Variants in LRP1B observed in about 807,000 individuals in gnomAD.
LRP1B encodes low-density lipoprotein receptor-related protein 1B.
LRP1B carries 217 observed loss-of-function variants against 556.6 expected under a neutral mutation model. The observed-to-expected ratio is 0.39, with a 90% CI of 0.35 to 0.44. The LOEUF (loss-of-function observed/expected upper bound fraction) is 0.44, where lower values mean the gene tolerates loss of function less well. Ranked by LOEUF, LRP1B falls within the 20% of genes least tolerant of loss-of-function variation. The pLI is 1.00. For synonymous variants in LRP1B, 2,047 were observed against 1,865.8 expected (o/e 1.10, Z -2.50); for missense variants, 5,053 against 5,620.8 (o/e 0.90, Z 3.23).
intron 3 of LRP1B, among the ~76,000 whole-genome samples, chr2:141,306,123 CCTACTCTTCAATTATTTA>C: frequency 1.6e-5 from 2 of 125,436 alleles, no homozygotes; most frequent in East Asian, 5.2e-4. Flanking sequence ...TGGAAAATTA[CCTACTCTTCAATTATTTA>C]GAATAGTTTG....
intron 2 of LRP1B, among the ~76,000 whole-genome samples, chr2:141,508,135 T>A (rs62167897): frequency 2.0e-5 from 3 of 151,514 alleles, no homozygotes; most frequent in Non-Finnish European, 4.4e-5. Context: ...ATAGCTCTAA[T>A]TGTCTTTGGA....
intron 35 of LRP1B, among the ~76,000 whole-genome samples, chr2:140,760,582 G>A (rs1370858317): frequency 6.6e-6 from 1 of 152,120 alleles, no homozygotes; most frequent in Non-Finnish European, 1.5e-5. Flanking sequence ...AATTGTTGTT[G>A]TTGCTGTGAA....
At chr2:141,741,916 A>G (rs867248624) in intron 2 of LRP1B, among the ~76,000 whole-genome samples, 19 of 152,132 alleles carry the variant, frequency 1.2e-4, no homozygotes, top group Admixed American at 3.9e-4. Flanking sequence ...CAGTAGTCTC[A>G]TGGTTTGAGA....
chr2:140,475,386 A>C (rs756077443), intron 59 of LRP1B, 49 bp from the exon 60 acceptor site: 1 of 1,394,474 alleles, frequency 7.2e-7, no homozygotes, highest in Non-Finnish European at 9.9e-7. Context: ...CTCTGGGAGC[A>C]AAACAACAAA....
At chr2:140,640,586 AG>A (rs1387996837) in intron 41 of LRP1B, among the ~76,000 whole-genome samples, 1 of 143,424 alleles carries the variant, frequency 7.0e-6, no homozygotes, top group Non-Finnish European at 1.5e-5. Flanking sequence ...TAGTAGAGAC[AG>A]GGTTTCACCG....
At chr2:141,792,126 T>C (rs893327343) in intron 2 of LRP1B, among the ~76,000 whole-genome samples, 1 of 151,970 alleles carries the variant, frequency 6.6e-6, no homozygotes, top group African/African-American at 2.4e-5. Flanking sequence ...TCATCACTAG[T>C]ATTCACTTTG....
chr2:141,467,120 A>ATATATATATG (rs1682254001), intron 3 of LRP1B, among the ~76,000 whole-genome samples: 2 of 3,826 alleles, frequency 5.2e-4, no homozygotes, highest in Non-Finnish European at 1.5e-3. Flanking sequence ...ATATATATAT[A>ATATATATATG]TATCTATATA....
intron 27 of LRP1B, among the ~76,000 whole-genome samples, chr2:140,865,072 T>C (rs1024923782): frequency 1.3e-5 from 2 of 152,070 alleles, no homozygotes; most frequent in African/African-American, 2.4e-5. Context: ...TACTGCTCCT[T>C]CATATTGCAT....
chr2:141,586,878 C>T (rs1162941330), intron 2 of LRP1B, among the ~76,000 whole-genome samples: 1 of 148,106 alleles, frequency 6.8e-6, no homozygotes, highest in African/African-American at 2.5e-5. Flanking sequence ...GGAGGTGGAG[C>T]TTGCAGTGAG....
intron 3 of LRP1B, among the ~76,000 whole-genome samples, chr2:141,264,623 T>C (rs1210132391): frequency 1.3e-5 from 2 of 151,874 alleles, no homozygotes; most frequent in African/African-American, 4.8e-5. Context: ...CCCGGATAAA[T>C]TTTGTATTTT....
At chr2:141,696,919 C>T (rs1404000873) in intron 2 of LRP1B, among the ~76,000 whole-genome samples, 1 of 151,976 alleles carries the variant, frequency 6.6e-6, no homozygotes, top group East Asian at 1.9e-4. Flanking sequence ...AAGAAACATA[C>T]AGAAAAATCT....
At chr2:141,576,682 A>G (rs950985304) in intron 2 of LRP1B, among the ~76,000 whole-genome samples, 5 of 151,190 alleles carry the variant, frequency 3.3e-5, no homozygotes, top group Admixed American at 6.6e-5. Flanking sequence ...TGAGTGTAGG[A>G]AATCAAGGCT....
At chr2:141,358,372 C>T (rs939923818) in intron 3 of LRP1B, among the ~76,000 whole-genome samples, 1 of 152,170 alleles carries the variant, frequency 6.6e-6, no homozygotes, top group African/African-American at 2.4e-5. Flanking sequence ...GGCAAAAGTG[C>T]AAACCTTGAT....
chr2:140,521,706 T>A (rs1253615358), intron 49 of LRP1B, among the ~76,000 whole-genome samples: 1 of 151,932 alleles, frequency 6.6e-6, no homozygotes, highest in African/African-American at 2.4e-5. Context: ...TCAATGTAAA[T>A]GGCCTTAAAA....
At chr2:141,049,378 G>T (rs534265270) in intron 10 of LRP1B, among the ~76,000 whole-genome samples, 156 bp from the exon 11 acceptor site, 34 of 152,138 alleles carry the variant, frequency 2.2e-4, no homozygotes, top group Middle Eastern at 6.8e-3. Context: ...ATGCAAGAAG[G>T]CCAGCTAATT....
chr2:140,305,305 A>G (rs1271850988), intron 83 of LRP1B, among the ~76,000 whole-genome samples: 1 of 152,122 alleles, frequency 6.6e-6, no homozygotes, highest in Non-Finnish European at 1.5e-5. Context: ...AATTTCTTCC[A>G]TTTGTTTGTG....
chr2:141,213,455 G>T (rs140889174), intron 6 of LRP1B, among the ~76,000 whole-genome samples: 1 of 151,952 alleles, frequency 6.6e-6, no homozygotes, highest in Non-Finnish European at 1.5e-5. Context: ...AGATGTACTC[G>T]CACACACCCC....
chr2:142,055,825 C>T (rs1704648016), intron 1 of LRP1B, among the ~76,000 whole-genome samples: 1 of 152,116 alleles, frequency 6.6e-6, no homozygotes, highest in African/African-American at 2.4e-5. Flanking sequence ...ATGAGTGTCT[C>T]TTCTGGTAGA....
chr2:140,480,611 T>C (rs60620549), intron 59 of LRP1B, among the ~76,000 whole-genome samples: 2 of 151,894 alleles, frequency 1.3e-5, no homozygotes, highest in East Asian at 2.0e-4. Context: ...CGGCTAACTT[T>C]TGTATTTTTA....
Sources: allele counts gnomAD v4.1 joint callset (sites outside exome capture counted in the v4.1 genomes callset), GRCh38; gene constraint gnomAD v4.1.1; transcripts MANE v1.5; gene names NCBI Gene and HGNC (gene_info 2026-07-23, HGNC 2026-07-21).